Variants in CCDC144A observed in about 807,000 individuals in gnomAD.
The protein encoded by CCDC144A is coiled-coil domain containing 144A.
A neutral mutation model predicts 143.8 loss-of-function variants in CCDC144A; 41 were observed. That is an observed-to-expected ratio of 0.29 (90% CI 0.22 to 0.37). The LOEUF is 0.37. Among genes scored for constraint, CCDC144A ranks in the 10% least tolerant of loss-of-function variants. The probability of loss-of-function intolerance (pLI) is 1.00; values close to 1 mark genes in which losing one functional copy is unlikely to be tolerated. For synonymous variants in CCDC144A, 242 were observed against 517.9 expected (o/e 0.47, Z 7.23); for missense variants, 637 against 1,488.8 (o/e 0.43, Z 9.41).
chr17:16,770,736 T>C (rs1396733809), intron 15 of CCDC144A, among the ~76,000 whole-genome samples: 2 of 152,102 alleles, frequency 1.3e-5, no homozygotes, highest in Non-Finnish European at 2.9e-5. Context: ...ACAGAAGTAG[T>C]GCTGCCTGAC....
intron 1 of CCDC144A, among the ~76,000 whole-genome samples, chr17:16,691,102 C>T (rs1911039643): frequency 6.6e-6 from 1 of 152,168 alleles, no homozygotes; most frequent in South Asian, 2.1e-4. Flanking sequence ...GTAATCCCAG[C>T]ACTTTGGGAG....
intron 12 of CCDC144A, chr17:16,745,762 T>C: frequency 6.2e-7 from 1 of 1,613,542 alleles, no homozygotes; most frequent in Non-Finnish European, 8.5e-7. Context: ...GGCCGGTCCT[T>C]GTTTGCCAGT....
intron 2 of CCDC144A, among the ~76,000 whole-genome samples, chr17:16,693,498 G>A (rs1597526873): frequency 6.6e-6 from 1 of 151,972 alleles, no homozygotes; most frequent in East Asian, 1.9e-4. Context: ...TGTATTTTTA[G>A]TAGAGATGGG....
chr17:16,721,732 G>A lies in CCDC144A; in HGVS notation c.1891+1074G>A, dbSNP rs576759298. ...TTAAACTTGTGACAAAATGGTCTCTGTCACAGCCAATCAACTCTGCCATTG... is the reference window on the plus strand; with the variant it reads ...TTAAACTTGTGACAAAATGGTCTCTATCACAGCCAATCAACTCTGCCATTG... On this transcript the variant is annotated intron_variant, in intron 8 of 16. Coordinates refer to ENST00000399273, the MANE Select transcript of CCDC144A (RefSeq NM_001382000.1). Among the ~76,000 whole-genome samples the A allele has an allele frequency of 9.9e-4, 148 of 150,228 alleles. 1 individual carries two copies. Among genetic ancestry groups the A allele is most frequent in the African/African-American group, 3.6e-3 (147 of 40,752 alleles).
chr17:16,685,722 C>T (rs1029787023), upstream of CCDC144A, among the ~76,000 whole-genome samples: 2 of 151,904 alleles, frequency 1.3e-5, no homozygotes, highest in African/African-American at 2.4e-5. Context: ...CCTGATTTTA[C>T]GGGGGGAGTG....
rs796358382 is a variant in CCDC144A, at chr17:16,730,009, G to GT, written c.2106-1782dup. Among the ~76,000 whole-genome samples the GT allele has an allele frequency of 1.8e-3, 187 of 103,546 alleles. No homozygotes were observed. In the South Asian group the frequency reaches 0.018, roughly 10 times the overall value. 67.9% of individuals were successfully genotyped at this position (103,546 alleles called of 152,430 possible). A position where few individuals can be genotyped will look rare whatever the true frequency, so the allele number is the denominator to read the frequency against. The stretch of plus-strand genomic sequence containing the variant: ...ATATATATACACACATACATTTTTT[G>GT]TTTTTTTTTGGTAGAGATGAGGTCT... On this transcript the variant is annotated intron_variant, in intron 9 of 16. Coordinates refer to ENST00000399273, the MANE Select transcript of CCDC144A (RefSeq NM_001382000.1).
At chr17:16,744,164 G>A (rs1159206884) in intron 12 of CCDC144A, among the ~76,000 whole-genome samples, 2 of 152,132 alleles carry the variant, frequency 1.3e-5, no homozygotes, top group Non-Finnish European at 2.9e-5. Context: ...GTGTCTTTTT[G>A]GTAGAATGAT....
In CCDC144A at chr17:16,734,852, G is replaced by T. The variant is rs1567599472; in HGVS notation, c.2581G>T (p.Asp861Tyr). 3.2e-6 allele frequency: 5 copies of T among 1,568,320 alleles called. No homozygotes were observed. Among genetic ancestry groups the T allele is most frequent in the Non-Finnish European group, 4.3e-6 (5 of 1,159,260 alleles). Residue 861 changes from aspartate to tyrosine, a missense_variant, in exon 12 of 17, where the codon GAT becomes TAT. Physicochemically the swap from Asp to Tyr is radical, Grantham distance 160 (BLOSUM62 -3). Coordinates refer to ENST00000399273, the MANE Select transcript of CCDC144A (RefSeq NM_001382000.1). The stretch of plus-strand genomic sequence containing the variant: ...CATTGAGGCTGTGAAAGAAAAGAAT[G>T]ATAACCTTCAAAAAATTATAAAACT... ...EDIEAVKEKN[D>Y]NLQKIIKLNE...
intron 12 of CCDC144A, chr17:16,746,285 T>TG (rs993722491): frequency 2.7e-5 from 33 of 1,240,850 alleles, no homozygotes; most frequent in Non-Finnish European, 3.4e-5. Flanking sequence ...TTTTTTTTTT[T>TG]TGCATCTTTC....
rs567069930 is a variant in CCDC144A, at chr17:16,700,944, TG to T, written c.416-4206del. Among the ~76,000 whole-genome samples the T allele has an allele frequency of 5.6e-3, 856 of 152,374 alleles. 10 individuals are homozygous for T. Among genetic ancestry groups the T allele is most frequent in the African/African-American group, 0.02 (812 of 41,588 alleles). ...TGGATGGACCAGTTTTGATTCATAT[TG>T]TACTAGATCCCTGTTTACAATTATG... On this transcript the variant is annotated intron_variant, in intron 2 of 16. Coordinates refer to ENST00000399273, the MANE Select transcript of CCDC144A (RefSeq NM_001382000.1).
rs1167325720 is a variant in CCDC144A at position 16,710,486 on chromosome 17, C to T, written c.1578+851C>T. ...AGGTTTTTCTGTTTAACTCAAACTGCTGGAACTTAGAATTGCATCATGACC... is the reference window on the plus strand; with the variant it reads ...AGGTTTTTCTGTTTAACTCAAACTGTTGGAACTTAGAATTGCATCATGACC... On this transcript the variant is annotated intron_variant, in intron 5 of 16. Transcript: ENST00000399273. The T allele has an allele frequency of 2.0e-5, 3 of 152,618 alleles. 1 individual carries two copies. Among genetic ancestry groups the T allele is most frequent in the South Asian group, 2.1e-4 (1 of 4,830 alleles). The allele number at this position is 152,618 out of a possible 1,614,324, so 9.5% of individuals were successfully genotyped here.
chr17:16,710,655 T>C (rs1368538881), intron 5 of CCDC144A, among the ~76,000 whole-genome samples: 1 of 152,110 alleles, frequency 6.6e-6, no homozygotes, highest in Non-Finnish European at 1.5e-5. Flanking sequence ...ATTTTTTCCA[T>C]GTAAGTAGCA....
intron 11 of CCDC144A, 70 bp from the exon 12 acceptor site, chr17:16,734,620 A>G (rs1597569369): frequency 7.1e-7 from 1 of 1,411,176 alleles, no homozygotes; most frequent in East Asian, 2.5e-5. Context: ...TGTATACATT[A>G]TTTAATTTCA....
intron 2 of CCDC144A, among the ~76,000 whole-genome samples, chr17:16,703,522 C>T (rs1285204517): frequency 6.6e-6 from 1 of 152,032 alleles, no homozygotes; most frequent in East Asian, 1.9e-4. Flanking sequence ...AACAAGCATG[C>T]GGCCGGGCGT....
chr17:16,732,937 A>C (rs1413371895), intron 11 of CCDC144A, among the ~76,000 whole-genome samples: 18 of 151,612 alleles, frequency 1.2e-4, no homozygotes, highest in Non-Finnish European at 2.2e-4. Context: ...GTTATTTTTC[A>C]TAGAATTAAT....
upstream of CCDC144A, among the ~76,000 whole-genome samples, chr17:16,687,882 T>G (rs562156558): frequency 2.6e-5 from 4 of 152,100 alleles, no homozygotes; most frequent in African/African-American, 9.6e-5. Context: ...GCATCCTGAG[T>G]AGCACACTAA....
chr17:16,711,136 GAAAAAA>G (rs1210697273), intron 5 of CCDC144A, among the ~76,000 whole-genome samples: 2 of 21,774 alleles, frequency 9.2e-5, no homozygotes, highest in East Asian at 2.5e-3. Context: ...GGATTCAAAT[GAAAAAA>G]AAAAAAAAAA....
upstream of CCDC144A, among the ~76,000 whole-genome samples, chr17:16,684,995 A>G (rs1910730803): frequency 6.6e-6 from 1 of 152,186 alleles, no homozygotes; most frequent in Admixed American, 6.5e-5. Flanking sequence ...ATGTACATGC[A>G]TTTGATTCTT....
intron 2 of CCDC144A, among the ~76,000 whole-genome samples, chr17:16,704,403 C>A (rs1269753487): frequency 6.6e-6 from 1 of 151,994 alleles, no homozygotes; most frequent in African/African-American, 2.4e-5. Flanking sequence ...TGCAGTGAGC[C>A]GAGATTGCGC....
Sources: gnomAD v4.1 joint callset for allele counts (sites outside exome capture counted in the v4.1 genomes callset) on GRCh38, gnomAD v4.1.1 for gene constraint, MANE v1.5 for transcripts, NCBI Gene and HGNC (gene_info 2026-07-23, HGNC 2026-07-21) for gene names.